PDE4B: variants seen among roughly 807,000 people sequenced by gnomAD.
PDE4B encodes the protein 3',5'-cyclic-AMP phosphodiesterase 4B.
PDE4B carries 20 observed loss-of-function variants against 82.2 expected under a neutral mutation model. The observed-to-expected ratio is 0.24, with a 90% CI of 0.17 to 0.35. The LOEUF is 0.35. Ranked by LOEUF, PDE4B falls within the 10% of genes least tolerant of loss-of-function variation. The pLI is 1.00. For synonymous variants in PDE4B, 320 were observed against 318.9 expected (o/e 1.00, Z -0.04); for missense variants, 655 against 907.2 (o/e 0.72, Z 3.57).
At chr1:65,939,641 A>C (rs1648338004) in intron 3 of PDE4B, among the ~76,000 whole-genome samples, 1 of 152,140 alleles carries the variant, frequency 6.6e-6, no homozygotes, top group Admixed American at 6.5e-5. Context: ...GAACCCCACA[A>C]AGGCAGTCAT....
At chr1:65,929,056 T>C (rs1647677960) in intron 3 of PDE4B, among the ~76,000 whole-genome samples, 1 of 152,164 alleles carries the variant, frequency 6.6e-6, no homozygotes, top group Admixed American at 6.5e-5. Context: ...TTTTCCAGTG[T>C]AGCGCACCTC....
At chr1:66,250,044 T>A (rs1391050734) in intron 4 of PDE4B, among the ~76,000 whole-genome samples, 1 of 152,242 alleles carries the variant, frequency 6.6e-6, no homozygotes, top group East Asian at 1.9e-4. Context: ...AATATTAAGC[T>A]TCTTCTAGTA....
chr1:65,832,575 AG>A (rs1268862169), intron 1 of PDE4B, among the ~76,000 whole-genome samples: 4 of 152,218 alleles, frequency 2.6e-5, no homozygotes, highest in African/African-American at 7.2e-5. Context: ...AATTAGGAAA[AG>A]GCCCAGGAAT....
At chr1:65,795,980 A>T (rs61797024) in intron 1 of PDE4B, among the ~76,000 whole-genome samples, 26,714 of 152,198 alleles carry the variant, frequency 0.18, 2,877 homozygotes, top group East Asian at 0.44. Context: ...GAAGATGCAT[A>T]TGTGGAAGGA....
chr1:66,093,352 G>A (rs1362788946), intron 3 of PDE4B, among the ~76,000 whole-genome samples: 1 of 152,020 alleles, frequency 6.6e-6, no homozygotes, highest in Non-Finnish European at 1.5e-5. Flanking sequence ...GGTGGGTATT[G>A]CTTTCTCCCT....
intron 3 of PDE4B, among the ~76,000 whole-genome samples, chr1:65,966,633 C>T (rs951149823): frequency 8.5e-5 from 13 of 152,138 alleles, no homozygotes; most frequent in Non-Finnish European, 1.8e-4. Context: ...CATCACGCTA[C>T]CTGACTTCAA....
Position 65,977,174 on chromosome 1 carries a change from G to A in PDE4B, c.281+58339G>A, listed in dbSNP as rs562700308. Among the ~76,000 whole-genome samples, 3 of 152,322 alleles carry A rather than the reference G, an allele frequency of 2.0e-5. No individual in the cohort carries two copies. In the East Asian group the frequency reaches 5.8e-4, roughly 29 times the overall value. ...ATCAACTCTGAAAACATGGCAGAAT[G>A]CAGTGGTTCACAAATATTGGTGTGC... On this transcript the variant is annotated intron_variant, in intron 3 of 16. Transcript: ENST00000341517.
chr1:65,851,000 A>ACT (rs1442802138), intron 1 of PDE4B, among the ~76,000 whole-genome samples: 1 of 152,196 alleles, frequency 6.6e-6, no homozygotes, highest in Admixed American at 6.5e-5. Context: ...CTTGAGGTTC[A>ACT]CATGTATGTG....
intron 1 of PDE4B, among the ~76,000 whole-genome samples, chr1:65,904,976 A>T (rs1414108957): frequency 6.6e-6 from 1 of 152,136 alleles, no homozygotes. Flanking sequence ...AGGCATTCTG[A>T]TTCTATTTCC....
In PDE4B at chr1:66,266,176, G is replaced by A. The variant is rs983586143; in HGVS notation, c.634+89G>A. The A allele has an allele frequency of 6.8e-6, 7 of 1,035,420 alleles. No homozygotes were observed. The African/African-American group carries it at 1.1e-4, about 16-fold the overall frequency. 64.1% of individuals were successfully genotyped at this position (1,035,420 alleles called of 1,614,324 possible). A position where few individuals can be genotyped will look rare whatever the true frequency, so the allele number is the denominator to read the frequency against. ...CAGAACTGTTTTTTAGAACAATAGT[G>A]TTGTTTGCATATTGTGGCTCTCAAA... On this transcript the variant is annotated intron_variant, in intron 7 of 16. Transcript: ENST00000341517.
intron 7 of PDE4B, among the ~76,000 whole-genome samples, chr1:66,297,370 T>C (rs1020013863): frequency 6.6e-6 from 1 of 152,198 alleles, no homozygotes; most frequent in African/African-American, 2.4e-5. Context: ...ACGAAGGTAT[T>C]GTTTTAGGCT....
At chr1:66,363,733 C>G (rs1400458244) in intron 12 of PDE4B, among the ~76,000 whole-genome samples, 162 bp downstream of exon 12, 1 of 152,016 alleles carries the variant, frequency 6.6e-6, no homozygotes, top group Admixed American at 6.6e-5. Context: ...GCTATGATTG[C>G]TCCCCTGGAC....
Position 66,247,756 on chromosome 1 carries a change from T to A in PDE4B, c.476+102T>A, listed in dbSNP as rs970049939. The A allele has an allele frequency of 5.7e-6, 5 of 879,660 alleles. 1 individual carries two copies. In the South Asian group the frequency reaches 9.9e-5, roughly 17 times the overall value. 54.5% of individuals were successfully genotyped at this position (879,660 alleles called of 1,614,324 possible). A position where few individuals can be genotyped will look rare whatever the true frequency, so the allele number is the denominator to read the frequency against. ...ATTCCCCATTAATCTATGGTAAGGA[T>A]GAAGGAAGAAAATGAATATGAGCAG... is the stretch of plus-strand genomic sequence containing the variant. On this transcript the variant is annotated intron_variant, in intron 4 of 16. Transcript: ENST00000341517.
chr1:66,129,947 T>C (rs1645906123), intron 3 of PDE4B, among the ~76,000 whole-genome samples: 1 of 152,218 alleles, frequency 6.6e-6, no homozygotes, highest in Non-Finnish European at 1.5e-5. Context: ...TTTAATTACC[T>C]TGCTAGGTTA....
intron 3 of PDE4B, among the ~76,000 whole-genome samples, chr1:66,150,490 G>T (rs1330829735): frequency 6.6e-6 from 1 of 152,230 alleles, no homozygotes; most frequent in East Asian, 1.9e-4. Context: ...AATATAAATT[G>T]TTTTACCTCT....
intron 1 of PDE4B, among the ~76,000 whole-genome samples, chr1:65,904,896 G>C (rs1264293627): frequency 6.6e-6 from 1 of 152,136 alleles, no homozygotes; most frequent in Non-Finnish European, 1.5e-5. Flanking sequence ...CTGCCATAAA[G>C]TTATTCATAT....
intron 7 of PDE4B, chr1:66,330,929 G>A (rs1660058367): frequency 3.5e-6 from 1 of 286,898 alleles, no homozygotes. Context: ...AAAAAATGGA[G>A]GAAGTTACCT....
chr1:66,318,681 A>C (rs1366188062), intron 7 of PDE4B, among the ~76,000 whole-genome samples: 1 of 152,238 alleles, frequency 6.6e-6, no homozygotes, highest in Non-Finnish European at 1.5e-5. Context: ...TAGTAAACAC[A>C]TAAAAAGAAA....
chr1:66,009,470 A>G (rs886124661), intron 3 of PDE4B, among the ~76,000 whole-genome samples: 1 of 152,126 alleles, frequency 6.6e-6, no homozygotes, highest in African/African-American at 2.4e-5. Flanking sequence ...TCTATTCAGA[A>G]TCCTTTAACA....
Sources: gnomAD v4.1 joint callset for allele counts (sites outside exome capture counted in the v4.1 genomes callset) on GRCh38, gnomAD v4.1.1 for gene constraint, MANE v1.5 for transcripts, NCBI Gene and HGNC (gene_info 2026-07-23, HGNC 2026-07-21) for gene names.